PDE10A: variants seen among roughly 807,000 people sequenced by gnomAD.
PDE10A encodes phosphodiesterase 10A.
PDE10A carries 39 observed loss-of-function variants against 97.7 expected under a neutral mutation model. That is an observed-to-expected ratio of 0.40 (90% CI 0.31 to 0.52). The LOEUF is 0.52. PDE10A is among the 20% of genes least tolerant of loss of function. PDE10A has a pLI of 0.56. For synonymous variants in PDE10A, 371 were observed against 376.8 expected, an observed-to-expected ratio of 0.98 and a Z score of 0.18; for missense variants, 731 against 1,047.8, an observed-to-expected ratio of 0.70 and a Z score of 4.17.
intron 1 of PDE10A, among the ~76,000 whole-genome samples, chr6:165,959,438 T>C (rs1194618369): frequency 1.3e-5 from 2 of 152,178 alleles, no homozygotes; most frequent in African/African-American, 4.8e-5. Flanking sequence ...CCATAAAAAA[T>C]AGTGAGCCAT....
At chr6:165,852,953 T>G (rs1242748202) in intron 1 of PDE10A, among the ~76,000 whole-genome samples, 1 of 152,264 alleles carries the variant, frequency 6.6e-6, no homozygotes, top group Non-Finnish European at 1.5e-5. Flanking sequence ...TGCACATTTG[T>G]GACTTCATCA....
At chr6:165,377,004 T>A (rs1200121711) in intron 18 of PDE10A, among the ~76,000 whole-genome samples, 2 of 152,194 alleles carry the variant, frequency 1.3e-5, no homozygotes, top group African/African-American at 4.8e-5. Flanking sequence ...CCACCAATAC[T>A]GAGGCAAGAC....
chr6:165,445,381 G>T (rs1260928081), intron 5 of PDE10A, among the ~76,000 whole-genome samples: 1 of 152,184 alleles, frequency 6.6e-6, no homozygotes, highest in East Asian at 1.9e-4. Flanking sequence ...GAGGTAACCA[G>T]ATCCCAAAGC....
chr6:165,688,780 C>T, intron 1 of PDE10A, among the ~76,000 whole-genome samples: 1 of 152,094 alleles, frequency 6.6e-6, no homozygotes, highest in Non-Finnish European at 1.5e-5. Context: ...AAAAAGCCAT[C>T]CAAAAAATAG....
intron 3 of PDE10A, among the ~76,000 whole-genome samples, chr6:165,450,991 A>G (rs1791247883): frequency 6.6e-6 from 1 of 152,210 alleles, no homozygotes; most frequent in South Asian, 2.1e-4. Context: ...TAGTAAAAAT[A>G]ATATCATACA....
intron 18 of PDE10A, among the ~76,000 whole-genome samples, chr6:165,374,164 G>A (rs369954027): frequency 1.3e-5 from 2 of 150,524 alleles, no homozygotes; most frequent in East Asian, 2.0e-4. Context: ...ACACCAGCAT[G>A]GCACATGTAT....
chr6:165,732,750 G>A (rs1480778102), intron 1 of PDE10A, among the ~76,000 whole-genome samples: 1 of 152,226 alleles, frequency 6.6e-6, no homozygotes, highest in East Asian at 1.9e-4. Flanking sequence ...TCTCCCAACA[G>A]TAGCTCTGGA....
In PDE10A at chr6:165,662,427, A is replaced by C; in HGVS notation, c.385T>G (p.Phe129Val). 2 of 145,868 alleles carry C rather than the reference A, an allele frequency of 1.4e-5. No homozygotes were observed. Among genetic ancestry groups the C allele is most frequent in the South Asian group, 1.9e-4 (1 of 5,242 alleles). The allele number at this position is 145,868 out of a possible 1,614,324, so 9.0% of individuals were successfully genotyped here. Residue 129 changes from phenylalanine to valine, a missense_variant, in exon 1 of 22, where the codon TTT (phenylalanine) becomes GTT (valine). Coordinates refer to ENST00000539869, the MANE Select transcript of PDE10A (RefSeq NM_001385079.1). The part of the protein sequence containing the change: ...WPPPPPPPPS[F>V]LPSSSAFHLP... ...TGAAAGGCAGATGAGGAGGGGAGAAAAGAGGGAGGGGGCGGGGGGGGCGGC... is the reference window on the plus strand; with the variant it reads ...TGAAAGGCAGATGAGGAGGGGAGAACAGAGGGAGGGGGCGGGGGGGGCGGC...
At chr6:165,791,122 A>AT in intron 1 of PDE10A, among the ~76,000 whole-genome samples, 1 of 151,830 alleles carries the variant, frequency 6.6e-6, no homozygotes, top group East Asian at 2.0e-4. Context: ...TTTTTAAAAA[A>AT]TTTTTTGCAG....
At chr6:165,763,392 G>A (rs538573762) in intron 1 of PDE10A, among the ~76,000 whole-genome samples, 93 of 152,174 alleles carry the variant, frequency 6.1e-4, no homozygotes, top group African/African-American at 2.0e-3. Context: ...GCATGATCTC[G>A]GCTCACTGCA....
In PDE10A at chr6:165,803,039, T is replaced by C. The variant is rs79386701; in HGVS notation, c.-615+184490A>G. ...AGATACCGTGGTGTCTGACATAATA[T>C]TGATACATTGCCGATAATTAAATCT... On this transcript the variant is annotated intron_variant, in intron 1 of 19. Transcript: ENST00000366882. Among the ~76,000 whole-genome samples, 526 of 152,360 alleles carry C rather than the reference T, an allele frequency of 3.5e-3. 4 individuals are homozygous for C. The highest frequency in any genetic ancestry group is 0.012 in the African/African-American group (480 of 41,578).
At chr6:165,530,063 G>A (rs1322394662) in intron 2 of PDE10A, among the ~76,000 whole-genome samples, 7 of 152,038 alleles carry the variant, frequency 4.6e-5, no homozygotes, top group Non-Finnish European at 7.4e-5. Flanking sequence ...AATACAGGCA[G>A]AAAAACGTGA....
At chr6:165,557,310 A>G in intron 1 of PDE10A, among the ~76,000 whole-genome samples, 1 of 151,852 alleles carries the variant, frequency 6.6e-6, no homozygotes, top group South Asian at 2.1e-4. Context: ...AGACCAAAGA[A>G]AGAGACTTAT....
At chr6:165,823,327 T>C (rs978543579) in intron 1 of PDE10A, among the ~76,000 whole-genome samples, 3 of 150,662 alleles carry the variant, frequency 2.0e-5, no homozygotes, top group African/African-American at 7.3e-5. Context: ...AGCCTAGGCC[T>C]ACACAGGGTC....
At chr6:165,408,579 C>T (rs220768) in intron 13 of PDE10A, among the ~76,000 whole-genome samples, 113,798 of 152,094 alleles carry the variant, frequency 0.75, 43,839 homozygotes, top group African/African-American at 0.91. Context: ...TTATTGAAAC[C>T]AGCATACATT....
chr6:165,366,685 C>A (rs928348563), intron 18 of PDE10A, among the ~76,000 whole-genome samples: 1 of 152,014 alleles, frequency 6.6e-6, no homozygotes, highest in Non-Finnish European at 1.5e-5. Context: ...AGAGCACACA[C>A]AAGTTGAGGA....
intron 1 of PDE10A, among the ~76,000 whole-genome samples, chr6:165,720,717 G>T (rs1219011547): frequency 6.6e-6 from 1 of 152,196 alleles, no homozygotes; most frequent in African/African-American, 2.4e-5. Flanking sequence ...GGCTGGCCAG[G>T]CGTTTTAGGT....
At chr6:165,916,914 C>T (rs1782621298) in intron 1 of PDE10A, among the ~76,000 whole-genome samples, 1 of 152,134 alleles carries the variant, frequency 6.6e-6, no homozygotes. Flanking sequence ...CTCTCCCTCG[C>T]CCAGACCCCA....
intron 1 of PDE10A, among the ~76,000 whole-genome samples, chr6:165,686,130 GACAC>G (rs57547290): frequency 0.24 from 35,259 of 145,078 alleles, 4,665 homozygotes; most frequent in Non-Finnish European, 0.3. Context: ...AATGTGCATG[GACAC>G]ACACACACAC....
Sources: allele counts gnomAD v4.1 joint callset (sites outside exome capture counted in the v4.1 genomes callset), GRCh38; gene constraint gnomAD v4.1.1; transcripts MANE v1.5; gene names NCBI Gene and HGNC (gene_info 2026-07-23, HGNC 2026-07-21).